MMP16: variants seen among roughly 807,000 people sequenced by gnomAD.
MMP16 encodes matrix metalloproteinase-16.
MMP16 carries 12 observed loss-of-function variants against 67.8 expected under a neutral mutation model. The ratio of observed to expected loss-of-function variants is 0.18; its 90% CI spans 0.11 to 0.29. The LOEUF (loss-of-function observed/expected upper bound fraction) is 0.29, where lower values mean the gene tolerates loss of function less well. Among genes scored for constraint, MMP16 ranks in the 10% least tolerant of loss-of-function variants. The pLI is 1.00. For missense variants in MMP16, 475 were observed against 765.7 expected, an observed-to-expected ratio of 0.62 and a Z score of 4.48; for synonymous variants, 249 against 255.9, an observed-to-expected ratio of 0.97 and a Z score of 0.26.
At chr8:88,166,951 C>T (rs1808724547) in intron 4 of MMP16, among the ~76,000 whole-genome samples, 1 of 151,792 alleles carries the variant, frequency 6.6e-6, no homozygotes, top group South Asian at 2.1e-4. Flanking sequence ...AACCCCAGCA[C>T]TTTGTGACTC....
intron 6 of MMP16, among the ~76,000 whole-genome samples, chr8:88,082,961 T>C (rs1479522410): frequency 6.6e-6 from 1 of 152,002 alleles, no homozygotes; most frequent in Non-Finnish European, 1.5e-5. Flanking sequence ...AGTACTCTGA[T>C]TGTACATTAG....
chr8:88,297,960 T>C (rs749323497), intron 1 of MMP16, among the ~76,000 whole-genome samples: 2 of 152,124 alleles, frequency 1.3e-5, no homozygotes, highest in African/African-American at 2.4e-5. Flanking sequence ...GGAAATTCAA[T>C]GCAACCAAGC....
chr8:88,219,019 A>G (rs773269488), intron 1 of MMP16, among the ~76,000 whole-genome samples: 3 of 152,096 alleles, frequency 2.0e-5, no homozygotes, highest in Admixed American at 6.6e-5. Context: ...AAGAAAAGAC[A>G]TAAATATCTC....
At chr8:88,313,720 G>A (rs1458972487) in intron 1 of MMP16, among the ~76,000 whole-genome samples, 1 of 152,054 alleles carries the variant, frequency 6.6e-6, no homozygotes, top group Non-Finnish European at 1.5e-5. Context: ...ACATACCCAA[G>A]ACTGGGCAAT....
intron 7 of MMP16, among the ~76,000 whole-genome samples, chr8:88,067,751 T>C (rs1242665556): frequency 6.6e-6 from 1 of 152,168 alleles, no homozygotes; most frequent in African/African-American, 2.4e-5. Context: ...GAATCAGTAC[T>C]TCATTCCTTT....
At chr8:88,241,355 G>T (rs1292455996) in intron 1 of MMP16, among the ~76,000 whole-genome samples, 1 of 151,624 alleles carries the variant, frequency 6.6e-6, no homozygotes, top group Non-Finnish European at 1.5e-5. Flanking sequence ...CTAGCTTATT[G>T]CATTATCAGA....
chr8:88,231,716 C>T (rs1336036887), intron 1 of MMP16, among the ~76,000 whole-genome samples: 1 of 152,190 alleles, frequency 6.6e-6, no homozygotes, highest in Non-Finnish European at 1.5e-5. Context: ...TAGGTTCCCA[C>T]TCCCCTATAC....
chr8:88,197,073 G>A (rs1192028395), intron 2 of MMP16, 85 bp downstream of exon 2: 2 of 1,274,618 alleles, frequency 1.6e-6, no homozygotes, highest in Non-Finnish European at 2.2e-6. Flanking sequence ...TCCATTTCTG[G>A]TTGGTGGAGT....
intron 6 of MMP16, among the ~76,000 whole-genome samples, chr8:88,112,346 G>A (rs1341054995): frequency 6.6e-6 from 1 of 151,510 alleles, no homozygotes; most frequent in Admixed American, 6.6e-5. Context: ...GCTAATTCTT[G>A]CCTTCTGCTT....
At chr8:88,112,666 G>GGTGTGTGT (rs6150692) in intron 6 of MMP16, among the ~76,000 whole-genome samples, 31,735 of 146,808 alleles carry the variant, frequency 0.22, 3,568 homozygotes, top group Middle Eastern at 0.25. Flanking sequence ...AGGACAGAAG[G>GGTGTGTGT]GTGTGTGTGT....
chr8:88,227,798 C>A (rs374180771), intron 1 of MMP16, among the ~76,000 whole-genome samples: 6 of 151,952 alleles, frequency 3.9e-5, no homozygotes, highest in African/African-American at 1.5e-4. Flanking sequence ...ATAAGCTGAC[C>A]CTTCAAATCA....
chr8:88,316,644 G>A (rs533142288), intron 1 of MMP16, among the ~76,000 whole-genome samples: 1 of 152,150 alleles, frequency 6.6e-6, no homozygotes, highest in African/African-American at 2.4e-5. Flanking sequence ...AGCTCTGATG[G>A]AGATGTATAA....
chr8:88,213,259 AC>A (rs1437002469), intron 1 of MMP16, among the ~76,000 whole-genome samples: 1 of 152,146 alleles, frequency 6.6e-6, no homozygotes, highest in East Asian at 1.9e-4. Flanking sequence ...GTTTAACTTA[AC>A]ATGCCATTCT....
chr8:88,224,695 T>C (rs1296114941), intron 1 of MMP16, among the ~76,000 whole-genome samples: 1 of 151,998 alleles, frequency 6.6e-6, no homozygotes, highest in African/African-American at 2.4e-5. Flanking sequence ...TTGTAAACTC[T>C]ACTTTTATGA....
intron 1 of MMP16, among the ~76,000 whole-genome samples, chr8:88,215,249 G>A (rs1437210454): frequency 6.6e-6 from 1 of 151,978 alleles, no homozygotes; most frequent in Non-Finnish European, 1.5e-5. Flanking sequence ...AGAATTGCTT[G>A]AACCCAGGAG....
intron 6 of MMP16, among the ~76,000 whole-genome samples, chr8:88,106,903 T>G (rs2118398101): frequency 6.6e-6 from 1 of 151,338 alleles, no homozygotes; most frequent in African/African-American, 2.4e-5. Context: ...ATGTCTATAT[T>G]AAATGTTATT....
chr8:88,199,453 T>G (rs1809306561), intron 1 of MMP16, among the ~76,000 whole-genome samples: 1 of 152,026 alleles, frequency 6.6e-6, no homozygotes, highest in African/African-American at 2.4e-5. Context: ...GGGAAAGCTA[T>G]GAGTTCTACC....
At chr8:88,321,562 C>A (rs190021796) in intron 1 of MMP16, among the ~76,000 whole-genome samples, 2 of 152,202 alleles carry the variant, frequency 1.3e-5, no homozygotes, top group East Asian at 3.9e-4. Context: ...ATGGAACATC[C>A]TTTGGAACTA....
intron 1 of MMP16, among the ~76,000 whole-genome samples, chr8:88,206,222 T>C (rs151328117): frequency 9.7e-4 from 148 of 152,296 alleles, no homozygotes; most frequent in South Asian, 2.7e-3. Context: ...GACACTGTTA[T>C]ACAATCAGCA....
Sources: allele counts gnomAD v4.1 joint callset (sites outside exome capture counted in the v4.1 genomes callset), GRCh38; gene constraint gnomAD v4.1.1; transcripts MANE v1.5; gene names NCBI Gene and HGNC (gene_info 2026-07-23, HGNC 2026-07-21).